The following RAB3IL1 variants were observed in gnomAD, a reference collection of about 807,000 sequenced individuals.
The protein encoded by RAB3IL1 is guanine nucleotide exchange factor for Rab-3A.
RAB3IL1 carries 37 observed loss-of-function variants against 49.2 expected under a neutral mutation model. The observed-to-expected ratio is 0.75, with a 90% confidence interval of 0.58 to 0.99. The LOEUF (loss-of-function observed/expected upper bound fraction) is 0.99. Ranked by LOEUF, RAB3IL1 falls within the 50% of genes least tolerant of loss-of-function variation. The pLI, the probability that RAB3IL1 is intolerant of heterozygous loss-of-function variation, is 0.00. For synonymous variants in RAB3IL1, 193 were observed against 213.9 expected, an observed-to-expected ratio of 0.90 and a Z score of 0.85; for missense variants, 484 against 513.0, an observed-to-expected ratio of 0.94 and a Z score of 0.55.
rs780978892 is a variant in RAB3IL1 at position 61,899,289 on chromosome 11, G to A, written c.1066+25C>T. On this transcript the variant is annotated intron_variant, in intron 9 of 9. Coordinates refer to ENST00000394836, the MANE Select transcript of RAB3IL1 (RefSeq NM_013401.4). Reference sequence around the variant, plus strand: ...AGCCCCACTCCCGTGTGCGATCCCTGCACCGGCCACCAGGGGGCGCTCACC... The same window carrying A: ...AGCCCCACTCCCGTGTGCGATCCCTACACCGGCCACCAGGGGGCGCTCACC... The A allele has an allele frequency of 3.8e-6, 6 of 1,598,200 alleles. No individual in the cohort carries two copies. The South Asian group carries it at 6.6e-5, about 18-fold the overall frequency.
At chr11:61,935,800 C>A in the RAB3IL1 span, among the ~76,000 whole-genome samples, 1 of 151,982 alleles carries the variant, frequency 6.6e-6, no homozygotes, top group Non-Finnish European at 1.5e-5. Flanking sequence ...CAGGGGTGAG[C>A]CACCACACCT....
intron 1 of RAB3IL1, among the ~76,000 whole-genome samples, chr11:61,912,566 C>T (rs759168310): frequency 2.0e-5 from 3 of 152,196 alleles, no homozygotes; most frequent in African/African-American, 4.8e-5. Flanking sequence ...CAGGGAGATG[C>T]GCTCCTCCAC....
At chr11:61,931,544 A>C in the RAB3IL1 span, among the ~76,000 whole-genome samples, 1 of 152,290 alleles carries the variant, frequency 6.6e-6, no homozygotes, top group Non-Finnish European at 1.5e-5. Context: ...AACTAAGGAG[A>C]ACCTCTACCT....
At chr11:61,900,596 A>G (rs1938860909) in intron 8 of RAB3IL1, among the ~76,000 whole-genome samples, 1 of 152,166 alleles carries the variant, frequency 6.6e-6, no homozygotes, top group Non-Finnish European at 1.5e-5. Flanking sequence ...GGACAGGAGC[A>G]GGGACAGTGG....
upstream of RAB3IL1, among the ~76,000 whole-genome samples, chr11:61,921,848 A>G (rs1565371184): frequency 6.6e-6 from 1 of 152,080 alleles, no homozygotes; most frequent in Non-Finnish European, 1.5e-5. Flanking sequence ...TTCCTCATCT[A>G]TATAAAATGG....
Position 61,898,199 on chromosome 11 carries a change from C to A in RAB3IL1, c.*79G>T, listed in dbSNP as rs553604893. The A allele has an allele frequency of 4.4e-6, 6 of 1,378,574 alleles. No individual in the cohort carries two copies. The highest frequency in any genetic ancestry group is 6.1e-6 in the Non-Finnish European group (6 of 986,092). 85.4% of individuals were successfully genotyped at this position (1,378,574 alleles called of 1,614,324 possible). A position where few individuals can be genotyped will look rare whatever the true frequency, so the allele number is the denominator to read the frequency against. On this transcript the variant is annotated 3_prime_UTR_variant, in exon 10 of 10. Coordinates refer to ENST00000394836, the MANE Select transcript of RAB3IL1 (RefSeq NM_013401.4). The surrounding 1 kb of genome is among the most constrained non-coding windows in gnomAD (Gnocchi z 5.1). ...CTGGCTCAGGGCTGGCTCCAGGCCC[C>A]CGTCTCCCTGTGTGTCGGCTTGTTC...
chr11:61,939,629 C>CA, the RAB3IL1 span, among the ~76,000 whole-genome samples: 307 of 131,918 alleles, frequency 2.3e-3, 1 homozygote, highest in South Asian at 3.9e-3. Flanking sequence ...TTAGACTGAC[C>CA]AAAAAAAAAA....
the RAB3IL1 span, among the ~76,000 whole-genome samples, chr11:61,943,768 C>G: frequency 6.6e-6 from 1 of 152,116 alleles, no homozygotes; most frequent in Non-Finnish European, 1.5e-5. Context: ...CAATGAGATA[C>G]TACTGCACAC....
the RAB3IL1 span, among the ~76,000 whole-genome samples, chr11:61,925,351 A>G: frequency 2.0e-5 from 3 of 152,138 alleles, no homozygotes; most frequent in Non-Finnish European, 4.4e-5. Flanking sequence ...ATCCATATAG[A>G]GCCGGGTGCA....
chr11:61,919,021 C>T (rs534313224), upstream of RAB3IL1, among the ~76,000 whole-genome samples: 6 of 152,308 alleles, frequency 3.9e-5, no homozygotes, highest in Admixed American at 2.6e-4. Flanking sequence ...TGTTTGCTGG[C>T]TTGAATCCCT....
At chr11:61,915,853 T>C (rs1216397850) in intron 1 of RAB3IL1, among the ~76,000 whole-genome samples, 1 of 151,636 alleles carries the variant, frequency 6.6e-6, no homozygotes, top group Non-Finnish European at 1.5e-5. Context: ...CTTGCTAACA[T>C]GGTGAAACCC....
chr11:61,933,946 G>A, the RAB3IL1 span, among the ~76,000 whole-genome samples: 15,730 of 149,678 alleles, frequency 0.11, 1,474 homozygotes, highest in East Asian at 0.57. Flanking sequence ...CCTTGTCTCA[G>A]AAAAAAAAAG....
upstream of RAB3IL1, among the ~76,000 whole-genome samples, chr11:61,917,965 T>C (rs1419789492): frequency 1.3e-5 from 2 of 152,310 alleles, no homozygotes; most frequent in Non-Finnish European, 2.9e-5. Flanking sequence ...TCCTGCCTGC[T>C]GGGAAGGGGA....
intron 1 of RAB3IL1, among the ~76,000 whole-genome samples, chr11:61,914,526 T>C (rs1437462175): frequency 6.6e-6 from 1 of 152,054 alleles, no homozygotes; most frequent in Admixed American, 6.6e-5. Context: ...CCCAAAACTA[T>C]GAATGTGTGA....
At chr11:61,930,915 G>A in the RAB3IL1 span, among the ~76,000 whole-genome samples, 11 of 152,286 alleles carry the variant, frequency 7.2e-5, no homozygotes, top group African/African-American at 2.4e-4. Context: ...ATTAATATGT[G>A]CCTAATAAAA....
chr11:61,913,076 G>A (rs1048604491), intron 1 of RAB3IL1, among the ~76,000 whole-genome samples: 25 of 152,094 alleles, frequency 1.6e-4, no homozygotes, highest in Non-Finnish European at 2.4e-4. Flanking sequence ...GGCACGTCCC[G>A]TAGGCAGCTG....
At chr11:61,907,968 A>C in intron 2 of RAB3IL1, 86 bp downstream of exon 2, 1 of 1,516,818 alleles carries the variant, frequency 6.6e-7, no homozygotes, top group Non-Finnish European at 8.9e-7. Flanking sequence ...CCTTGGGCAC[A>C]TCTCTGGGCA....
the RAB3IL1 span, among the ~76,000 whole-genome samples, chr11:61,927,261 G>A: frequency 1.3e-5 from 2 of 152,196 alleles, no homozygotes; most frequent in Admixed American, 1.3e-4. Flanking sequence ...AGCTTTCTGA[G>A]GCCCTTATCA....
Position 61,907,513 on chromosome 11 carries a change from G to A in RAB3IL1, c.361-43C>T, listed in dbSNP as rs375213325. 713 of 1,613,758 alleles carry A rather than the reference G, an allele frequency of 4.4e-4. 3 individuals carry two copies. Among genetic ancestry groups the A allele is most frequent in the South Asian group, 1.2e-3 (113 of 91,040 alleles). ...CCTGCGTGAGTGGTGAGGAGCCAAC[G>A]GACGCCCAGATGACCCATTCCCCAA... On this transcript the variant is annotated intron_variant, in intron 3 of 9. Coordinates refer to ENST00000394836, the MANE Select transcript of RAB3IL1 (RefSeq NM_013401.4).
Sources: gnomAD v4.1 joint callset for allele counts (sites outside exome capture counted in the v4.1 genomes callset) on GRCh38, gnomAD v4.1.1 for gene constraint, Gnocchi (gnomAD v3.1) non-coding constraint, MANE v1.5 for transcripts, NCBI Gene and HGNC (gene_info 2026-07-23, HGNC 2026-07-21) for gene names.